The following SLC25A18 variants were observed in gnomAD, a reference collection of about 807,000 sequenced individuals.
The protein encoded by SLC25A18 is solute carrier family 25 member 18.
In SLC25A18, 24 loss-of-function variants were observed where a neutral mutation model predicts 31.1. The ratio of observed to expected loss-of-function variants is 0.77; its 90% CI spans 0.56 to 1.08. SLC25A18 has a LOEUF of 1.08. SLC25A18 is among the 50% of genes least tolerant of loss of function. SLC25A18 has a pLI of 0.00. For missense variants in SLC25A18, 371 were observed against 418.5 expected (o/e 0.89, Z 0.99); for synonymous variants, 173 against 161.9 (o/e 1.07, Z -0.52).
intron 9 of SLC25A18, chr22:17,588,482 A>T: frequency 5.4e-6 from 1 of 183,912 alleles, no homozygotes; most frequent in Non-Finnish European, 1.1e-5. Context: ...CCCCGTCTCT[A>T]CTAAAAATGC....
intron 9 of SLC25A18, chr22:17,589,304 A>G: frequency 3.3e-6 from 1 of 301,104 alleles, no homozygotes; most frequent in Non-Finnish European, 6.5e-6. Flanking sequence ...CCCCAGCCTC[A>G]TGAGTAGCTG....
At chr22:17,567,928 A>G (rs1180564367) in intron 1 of SLC25A18, among the ~76,000 whole-genome samples, 8 of 152,076 alleles carry the variant, frequency 5.3e-5, no homozygotes, top group Admixed American at 5.2e-4. Context: ...TCACGAGAGT[A>G]TACTGAACAA....
chr22:17,590,120 T>A lies in SLC25A18; in HGVS notation c.832T>A (p.Ser278Thr). 1 of 1,614,234 alleles carries A rather than the reference T, an allele frequency of 6.2e-7. No individual in the cohort carries two copies. Among genetic ancestry groups the A allele is most frequent in the Non-Finnish European group, 8.5e-7 (1 of 1,180,052 alleles). The change falls in exon 11 of 11, where the codon TCT becomes ACT. Residue 278 changes from serine (S) to threonine (T), a missense_variant. Transcript: ENST00000327451. ...ARKLWIQEGP[S>T]AFMKGAGCRA... ...GAAACTCTGGATTCAGGAGGGACCA[T>A]CTGCCTTCATGAAAGGCGCTGGCTG...
chr22:17,570,910 G>T (rs2057070490), intron 2 of SLC25A18, among the ~76,000 whole-genome samples: 2 of 152,254 alleles, frequency 1.3e-5, no homozygotes, highest in African/African-American at 4.8e-5. Flanking sequence ...TCCTAGCCAA[G>T]AATGGGGTGA....
In SLC25A18 at chr22:17,582,556, C is replaced by G; in HGVS notation, c.200-7C>G. On this transcript the variant is annotated splice_polypyrimidine_tract_variant and splice_region_variant and intron_variant, in intron 5 of 10. Coordinates refer to ENST00000327451, the MANE Select transcript of SLC25A18 (RefSeq NM_031481.3). ...CCTTGACTCCCCATCTTGTCCTTCA[C>G]TTCCAGGGGCTGCAGTGAACCTCAC... The G allele has an allele frequency of 6.3e-7, 1 of 1,586,968 alleles. No homozygotes were observed.
Position 17,582,514 on chromosome 22 carries a change from T to C in SLC25A18, c.200-49T>C. 2 of 1,499,496 alleles carry C rather than the reference T, an allele frequency of 1.3e-6. 1 individual carries two copies. Among genetic ancestry groups the C allele is most frequent in the South Asian group, 2.4e-5 (2 of 82,110 alleles). 92.9% of individuals were successfully genotyped at this position (1,499,496 alleles called of 1,614,324 possible). ...GGGCTGAAGGGCAGACCTGGGGCAC[T>C]GTTATTTCTGGGATGGCCTTGACTC... On this transcript the variant is annotated intron_variant, in intron 5 of 10. Transcript: ENST00000327451.
chr22:17,587,826 A>G (rs898607226), intron 8 of SLC25A18, 99 bp from the exon 9 acceptor site: 104 of 1,477,022 alleles, frequency 7.0e-5, no homozygotes, highest in Non-Finnish European at 9.3e-5. Context: ...GGCTCCTCTC[A>G]CTGTAAGCCC....
chr22:17,573,351 CCTCT>C (rs2057147751), intron 2 of SLC25A18, among the ~76,000 whole-genome samples: 1 of 152,070 alleles, frequency 6.6e-6, no homozygotes, highest in African/African-American at 2.4e-5. Context: ...TGCTGCACCT[CCTCT>C]CTGACTTCCT....
intron 1 of SLC25A18, 146 bp downstream of exon 1, chr22:17,563,859 G>A (rs1350289146): frequency 2.7e-6 from 1 of 372,430 alleles, no homozygotes; most frequent in Non-Finnish European, 3.7e-6. Flanking sequence ...GGACTCTAGT[G>A]AGGTGCTAGA....
At chr22:17,583,004 G>A (rs983662716) in intron 6 of SLC25A18, among the ~76,000 whole-genome samples, 1 of 152,100 alleles carries the variant, frequency 6.6e-6, no homozygotes, top group South Asian at 2.1e-4. Flanking sequence ...GGGCCCAGGC[G>A]GTCGAGGTTG....
rs1601362774 is a variant in SLC25A18, at chr22:17,590,868, A to G, written c.*632A>G. 1 of 152,582 alleles carries G rather than the reference A, an allele frequency of 6.6e-6. No individual in the cohort carries two copies. Among genetic ancestry groups the G allele is most frequent in the East Asian group, 1.9e-4 (1 of 5,184 alleles). 9.5% of individuals were successfully genotyped at this position (152,582 alleles called of 1,614,324 possible). A position where few individuals can be genotyped will look rare whatever the true frequency, so the allele number is the denominator to read the frequency against. ...CTGTAACCAAGGAACACTCTGAAAT[A>G]AAGGTGAATGGCTAAAATCTCATCT... On this transcript the variant is annotated 3_prime_UTR_variant, in exon 11 of 11. Transcript: ENST00000327451.
At chr22:17,588,323 C>T in intron 9 of SLC25A18, 1 of 452,610 alleles carries the variant, frequency 2.2e-6, no homozygotes. Context: ...GAGTTGTGAG[C>T]CCCAGCTATA....
chr22:17,565,812 A>G (rs948618727), intron 1 of SLC25A18, among the ~76,000 whole-genome samples: 2 of 152,176 alleles, frequency 1.3e-5, no homozygotes, highest in Non-Finnish European at 2.9e-5. Context: ...GGTTTCAGTG[A>G]GCCGAGATCG....
At chr22:17,582,534 T>C (rs2146256064) in intron 5 of SLC25A18, 29 bp from the exon 6 acceptor site, 2 of 1,552,324 alleles carry the variant, frequency 1.3e-6, no homozygotes, top group East Asian at 4.7e-5. Context: ...GGGATGGCCT[T>C]GACTCCCCAT....
rs1368628517 is a variant in SLC25A18, at chr22:17,579,948, A to G, written c.4A>G (p.Thr2Ala). The change falls in exon 3 of 11, where the codon ACC (threonine) becomes GCC (alanine). Residue 2 changes from threonine (T) to alanine (A), a missense_variant. Transcript: ENST00000327451. ...TGGGATCCCCAGCCCCTGCAGAATG[A>G]CCCACCAGGATCTGAGGTGAGCTCG... MTHQDLSITAKL... is the reference protein window; with the variant it reads MAHQDLSITAKL... 4 of 1,610,998 alleles carry G rather than the reference A, an allele frequency of 2.5e-6. No homozygotes were observed. The East Asian group carries it at 6.7e-5, about 27-fold the overall frequency.
Position 17,587,078 on chromosome 22 carries a change from G to A in SLC25A18, c.410-58G>A, listed in dbSNP as rs1035094687. 1.1e-5 allele frequency: 18 copies of A among 1,579,596 alleles called. No homozygotes were observed. The Admixed American group carries it at 3.1e-4, about 27-fold the overall frequency. On this transcript the variant is annotated intron_variant, in intron 7 of 10. Coordinates refer to ENST00000327451, the MANE Select transcript of SLC25A18 (RefSeq NM_031481.3). The stretch of plus-strand genomic sequence containing the variant: ...GGCAGGGATTGAGAGCCACACTCAG[G>A]AGTGTTTCGTAGCATCTGTTGGGGA...
chr22:17,581,990 T>A lies in SLC25A18; in HGVS notation c.200-573T>A, dbSNP rs12484916. ...GCCTGTCACTGGAACTGCTGTTTTA[T>A]CATCAGCGACCCCACCAGCAGCAAC... On this transcript the variant is annotated intron_variant, in intron 5 of 10. Coordinates refer to ENST00000327451, the MANE Select transcript of SLC25A18 (RefSeq NM_031481.3). 714 of 154,348 alleles carry A rather than the reference T, an allele frequency of 4.6e-3. 3 individuals carry two copies. The highest frequency in any genetic ancestry group is 0.01 in the Middle Eastern group (3 of 296). 9.6% of individuals were successfully genotyped at this position (154,348 alleles called of 1,614,324 possible). A position where few individuals can be genotyped will look rare whatever the true frequency, so the allele number is the denominator to read the frequency against.
chr22:17,589,519 C>A (rs372301607), intron 9 of SLC25A18, 71 bp from the exon 10 acceptor site: 1 of 1,410,208 alleles, frequency 7.1e-7, no homozygotes, highest in Non-Finnish European at 9.9e-7. Flanking sequence ...GAGGGCCCAG[C>A]CCCTTAGTGT....
chr22:17,590,268 C>T lies in SLC25A18; in HGVS notation c.*32C>T, dbSNP rs141434810. 3.8e-4 allele frequency: 617 copies of T among 1,613,540 alleles called. 5 individuals carry two copies. The East Asian group carries it at 0.011, about 29-fold the overall frequency. ...CTGGAGGTCAAGTCCCTGCGCTTGCCGCCCTCTCTCTAGCTGTTTCACTTA... is the reference window on the plus strand; with the variant it reads ...CTGGAGGTCAAGTCCCTGCGCTTGCTGCCCTCTCTCTAGCTGTTTCACTTA... On this transcript the variant is annotated 3_prime_UTR_variant, in exon 11 of 11. Coordinates refer to ENST00000327451, the MANE Select transcript of SLC25A18 (RefSeq NM_031481.3).
Sources: allele counts gnomAD v4.1 joint callset (sites outside exome capture counted in the v4.1 genomes callset), GRCh38; gene constraint gnomAD v4.1.1; transcripts MANE v1.5; gene names NCBI Gene and HGNC (gene_info 2026-07-23, HGNC 2026-07-21).